Variants in PCNT observed in about 807,000 individuals in gnomAD.
PCNT encodes the protein kendrin.
Under a neutral mutation model 380.4 loss-of-function variants are expected in PCNT, and 319 were observed. The ratio of observed to expected loss-of-function variants is 0.84; its 90% CI spans 0.77 to 0.92. The LOEUF is 0.92. PCNT is among the 40% of genes least tolerant of loss of function. The probability of loss-of-function intolerance (pLI) is 0.00; values close to 1 mark genes in which losing one functional copy is unlikely to be tolerated. For synonymous variants in PCNT, 1,845 were observed against 1,735.2 expected (o/e 1.06, Z -1.57); for missense variants, 4,400 against 4,255.3 (o/e 1.03, Z -0.95).
chr21:46,381,298 G>A (rs1457131840), intron 15 of PCNT, among the ~76,000 whole-genome samples: 3 of 149,568 alleles, frequency 2.0e-5, no homozygotes, highest in Non-Finnish European at 4.5e-5. Flanking sequence ...TTAGAAAGAA[G>A]GTTTAATCTT....
chr21:46,443,076 T>TGCAGAGAACGCCCCTCCCACGCAGC, intron 44 of PCNT: 1 of 199,216 alleles, frequency 5.0e-6, no homozygotes, highest in East Asian at 1.3e-4. Flanking sequence ...AGGCGTTGTG[T>TGCAGAGAACGCCCCTCCCACGCAGC]GCAGAGAACG....
At chr21:46,365,932 C>A (rs1204692521) in intron 14 of PCNT, among the ~76,000 whole-genome samples, 6 of 148,478 alleles carry the variant, frequency 4.0e-5, no homozygotes, top group African/African-American at 1.5e-4. Context: ...TCATTCACTG[C>A]TGTGGGGTTC....
In PCNT at chr21:46,349,190, A is replaced by G. The variant is rs756614490; in HGVS notation, c.1207+4A>G. ...CAAGACAAAAACCAGGCTGAACGTA[A>G]GTAATGAAAATGAGCAAGTTTGGAG... On this transcript the variant is annotated splice_donor_region_variant and intron_variant, in intron 7 of 46. Coordinates refer to ENST00000359568, the MANE Select transcript of PCNT (RefSeq NM_006031.6). 1.2e-6 allele frequency: 2 copies of G among 1,612,392 alleles called. No homozygotes were observed. The highest frequency in any genetic ancestry group is 1.1e-5 in the South Asian group (1 of 91,018).
chr21:46,408,322 T>C (rs2086679932), intron 27 of PCNT, among the ~76,000 whole-genome samples: 1 of 152,250 alleles, frequency 6.6e-6, no homozygotes, highest in Admixed American at 6.5e-5. Context: ...TTGGATAGTT[T>C]CTAGGTTTTG....
rs375312732 is a variant in PCNT at position 46,363,585 on chromosome 21, G to T, written c.2260G>T (p.Val754Phe). 2.1e-5 allele frequency: 34 copies of T among 1,614,104 alleles called. No individual in the cohort carries two copies. In the African/African-American group the frequency reaches 4.5e-4, roughly 22 times the overall value. ...EFQRKETDWKVMKEELQREAE... is the reference protein window; with the variant it reads ...EFQRKETDWKFMKEELQREAE... Reference sequence around the variant, plus strand: ...CCAAAGAAAAGAAACGGACTGGAAAGTTATGAAGGAGGAGCTACAGCGGGA... The same window carrying T: ...CCAAAGAAAAGAAACGGACTGGAAATTTATGAAGGAGGAGCTACAGCGGGA... The change falls in exon 14 of 47, where the codon GTT becomes TTT. Residue 754 changes from valine to phenylalanine, a missense_variant. Physicochemically the swap from Val to Phe is conservative, Grantham distance 50. Transcript: ENST00000359568.
intron 16 of PCNT, among the ~76,000 whole-genome samples, chr21:46,385,376 G>T (rs1217173723): frequency 6.6e-6 from 1 of 152,164 alleles, no homozygotes; most frequent in Non-Finnish European, 1.5e-5. Flanking sequence ...ATCTTTGCCT[G>T]CCTGGCAACT....
chr21:46,428,687 GCAT>G, intron 35 of PCNT, 97 bp downstream of exon 35: 2 of 1,077,398 alleles, frequency 1.9e-6, no homozygotes, highest in Non-Finnish European at 2.7e-6. Context: ...TGGTGACAGG[GCAT>G]CATCTAGTCA....
chr21:46,422,915 C>T (rs990274812), intron 32 of PCNT, among the ~76,000 whole-genome samples: 2 of 152,108 alleles, frequency 1.3e-5, no homozygotes, highest in Non-Finnish European at 2.9e-5. Flanking sequence ...CCATCCATGA[C>T]GTTAAGTGAG....
chr21:46,330,463 G>T (rs1181209236), intron 2 of PCNT, among the ~76,000 whole-genome samples: 1 of 152,132 alleles, frequency 6.6e-6, no homozygotes, highest in Non-Finnish European at 1.5e-5. Flanking sequence ...TAAGTAGTAT[G>T]TGTAGAATAG....
intron 44 of PCNT, 162 bp downstream of exon 44, chr21:46,442,735 G>A (rs542303635): frequency 3.1e-5 from 21 of 675,284 alleles, no homozygotes; most frequent in East Asian, 2.7e-4. Context: ...GGGAAGGCGC[G>A]CCCGGCGTAG....
Position 46,346,108 on chromosome 21 carries a change from T to G in PCNT, c.640-20T>G. 7 of 1,612,314 alleles carry G rather than the reference T, an allele frequency of 4.3e-6. No homozygotes were observed. Among genetic ancestry groups the G allele is most frequent in the Non-Finnish European group, 5.9e-6 (7 of 1,178,324 alleles). On this transcript the variant is annotated intron_variant, in intron 3 of 46. Coordinates refer to ENST00000359568, the MANE Select transcript of PCNT (RefSeq NM_006031.6). ...TCTCATGTGAATTCTGGACCTACAT[T>G]CTTTGCCTTTTTTCCCCAGGAGTGT...
chr21:46,388,761 C>T lies in PCNT; in HGVS notation c.3484C>T (p.Leu1162=), dbSNP rs1339966768. Reference sequence around the variant, plus strand: ...TCTCAGAGGGGCCCTCCAGGACGCCCTGCGCAGGCTGCTGGGTTTGTTTGG... The same window carrying T: ...TCTCAGAGGGGCCCTCCAGGACGCCTTGCGCAGGCTGCTGGGTTTGTTTGG... ...HSERGALQDA[L]RRLLGLFGET... The change falls in exon 18 of 47, where the codon CTG becomes TTG. Residue 1162 remains leucine, a synonymous_variant. Coordinates refer to ENST00000359568, the MANE Select transcript of PCNT (RefSeq NM_006031.6). The surrounding 1 kb of genome is among the most constrained non-coding windows in gnomAD (Gnocchi z 4.2). The T allele has an allele frequency of 1.2e-6, 2 of 1,613,792 alleles. No homozygotes were observed. Among genetic ancestry groups the T allele is most frequent in the Non-Finnish European group, 1.7e-6 (2 of 1,179,982 alleles).
intron 31 of PCNT, among the ~76,000 whole-genome samples, chr21:46,421,708 G>A (rs908778403): frequency 6.6e-6 from 1 of 152,234 alleles, no homozygotes; most frequent in Non-Finnish European, 1.5e-5. Flanking sequence ...GGTCCCCTAA[G>A]ATTGGCGCTG....
chr21:46,353,364 A>G (rs1055104611), intron 10 of PCNT, 38 bp downstream of exon 10: 20 of 1,540,150 alleles, frequency 1.3e-5, no homozygotes, highest in African/African-American at 4.1e-5. Flanking sequence ...AGTTTCTGCC[A>G]TACAGGGGCC....
chr21:46,437,887 T>C (rs1601208172), intron 40 of PCNT, among the ~76,000 whole-genome samples: 3 of 152,346 alleles, frequency 2.0e-5, no homozygotes, highest in African/African-American at 7.2e-5. Context: ...CCCCTTGGGA[T>C]GAACTAACAA....
chr21:46,362,389 G>A (rs2084752243), intron 13 of PCNT, among the ~76,000 whole-genome samples: 1 of 152,168 alleles, frequency 6.6e-6, no homozygotes, highest in African/African-American at 2.4e-5. Context: ...TGAATGTCCA[G>A]CCCTCTGCAG....
chr21:46,383,861 G>A (rs1217821099), intron 16 of PCNT, among the ~76,000 whole-genome samples: 2 of 145,144 alleles, frequency 1.4e-5, no homozygotes, highest in African/African-American at 2.5e-5. Context: ...TGTATATTCA[G>A]TGACGGAAGC....
At chr21:46,373,918 C>T (rs747603896) in intron 15 of PCNT, among the ~76,000 whole-genome samples, 41 of 151,052 alleles carry the variant, frequency 2.7e-4, no homozygotes, top group Non-Finnish European at 4.6e-4. Context: ...TCAGTAGAAA[C>T]AGCGTTTCAC....
At chr21:46,418,413 G>A (rs1054626070) in intron 31 of PCNT, 107 bp downstream of exon 31, 11 of 752,392 alleles carry the variant, frequency 1.5e-5, no homozygotes, top group African/African-American at 1.0e-4. Context: ...TCTGCCCCCC[G>A]CTGACCTCCA....
Sources: gnomAD v4.1 joint callset for allele counts (sites outside exome capture counted in the v4.1 genomes callset) on GRCh38, gnomAD v4.1.1 for gene constraint, Gnocchi (gnomAD v3.1) non-coding constraint, MANE v1.5 for transcripts, NCBI Gene and HGNC (gene_info 2026-07-23, HGNC 2026-07-21) for gene names.